Variants in SLC2A13 observed in about 807,000 individuals in gnomAD.
SLC2A13 encodes the protein proton myo-inositol cotransporter.
SLC2A13 carries 32 observed loss-of-function variants against 64.4 expected under a neutral mutation model. The observed-to-expected ratio is 0.50, with a 90% CI of 0.37 to 0.67. The LOEUF is 0.67. Among genes scored for constraint, SLC2A13 ranks in the 30% least tolerant of loss-of-function variants. The pLI, the probability that SLC2A13 is intolerant of heterozygous loss-of-function variation, is 0.00. For missense variants in SLC2A13, 743 were observed against 829.2 expected (o/e 0.90, Z 1.28); for synonymous variants, 338 against 327.1 (o/e 1.03, Z -0.36).
intron 6 of SLC2A13, among the ~76,000 whole-genome samples, chr12:39,843,575 G>T (rs942018660): frequency 6.6e-6 from 1 of 152,008 alleles, no homozygotes; most frequent in African/African-American, 2.4e-5. Context: ...GAAGTTAGGG[G>T]TAGCCAAGTG....
chr12:39,980,175 G>A (rs1284587520), intron 3 of SLC2A13, among the ~76,000 whole-genome samples: 66 of 151,342 alleles, frequency 4.4e-4, no homozygotes, highest in Admixed American at 3.6e-3. Flanking sequence ...TGAAGGAAGC[G>A]CTAAACATGG....
At chr12:39,851,486 G>A (rs1943467204) in intron 6 of SLC2A13, among the ~76,000 whole-genome samples, 1 of 152,152 alleles carries the variant, frequency 6.6e-6, no homozygotes, top group Admixed American at 6.5e-5. Context: ...AAAGGTTAGT[G>A]ATTTTATTAA....
chr12:40,048,246 A>T (rs1948200010), intron 1 of SLC2A13, 36 bp from the exon 2 acceptor site: 2 of 1,568,936 alleles, frequency 1.3e-6, no homozygotes, highest in Non-Finnish European at 1.7e-6. Flanking sequence ...TGAGACATTT[A>T]CTCAAGATTT....
chr12:40,084,153 G>T (rs1048817646), intron 1 of SLC2A13, among the ~76,000 whole-genome samples: 1 of 152,116 alleles, frequency 6.6e-6, no homozygotes, highest in African/African-American at 2.4e-5. Flanking sequence ...CATCTGGCAG[G>T]GTAACTGCAA....
rs1200095531 is a variant in SLC2A13 at position 39,759,063 on chromosome 12, G to T, written c.*963C>A. On this transcript the variant is annotated 3_prime_UTR_variant, in exon 10 of 10. Transcript: ENST00000280871. ...ATAAAAGAAAGGGGAAAAATGGTTT[G>T]CTTGCAGCTATGTATGTAACACAAA... The T allele has an allele frequency of 6.6e-6, 1 of 152,394 alleles. No homozygotes were observed. Among genetic ancestry groups the T allele is most frequent in the African/African-American group, 2.4e-5 (1 of 41,392 alleles). The allele number at this position is 152,394 out of a possible 1,614,324, so 9.4% of individuals were successfully genotyped here.
At chr12:40,033,042 C>T (rs980196690) in intron 2 of SLC2A13, among the ~76,000 whole-genome samples, 7 of 152,190 alleles carry the variant, frequency 4.6e-5, no homozygotes, top group African/African-American at 1.7e-4. Flanking sequence ...GTGCCAAGCA[C>T]TGTTCAGAAC....
At chr12:39,916,563 T>C (rs771569136) in intron 4 of SLC2A13, among the ~76,000 whole-genome samples, 3 of 152,122 alleles carry the variant, frequency 2.0e-5, no homozygotes, top group Non-Finnish European at 4.4e-5. Flanking sequence ...ATTTTCTTTT[T>C]CGTGTTACGA....
In SLC2A13 at chr12:39,972,015, T is replaced by TATATATATATA. The variant is rs1491210436; in HGVS notation, c.926-20651_926-20650insTATATATATAT. Among the ~76,000 whole-genome samples, 57 of 80,922 alleles carry TATATATATATA rather than the reference T, an allele frequency of 7.0e-4. 1 individual carries two copies. The highest frequency in any genetic ancestry group is 1.3e-3 in the African/African-American group (27 of 20,138). 53.1% of individuals were successfully genotyped at this position (80,922 alleles called of 152,430 possible). On this transcript the variant is annotated intron_variant, in intron 3 of 9. Transcript: ENST00000280871. Reference sequence around the variant, plus strand: ...AAAAAAAAATATATATATATATATATTTTTTTTTATATAAATATATATATA... The same window carrying TATATATATATA: ...AAAAAAAAATATATATATATATATATATATATATATATTTTTTTTATATAAATATATATATA...
chr12:39,820,128 A>AAG (rs1942451371), intron 7 of SLC2A13, among the ~76,000 whole-genome samples: 1 of 152,130 alleles, frequency 6.6e-6, no homozygotes. Flanking sequence ...TGACAACAAA[A>AAG]AGAAAAAAAA....
intron 7 of SLC2A13, among the ~76,000 whole-genome samples, chr12:39,818,429 A>G (rs916867028): frequency 6.6e-6 from 1 of 152,218 alleles, no homozygotes; most frequent in Non-Finnish European, 1.5e-5. Flanking sequence ...TCTCTTATCA[A>G]TCAGTGAAGA....
At chr12:40,029,829 G>T (rs974383854) in intron 2 of SLC2A13, among the ~76,000 whole-genome samples, 3 of 152,122 alleles carry the variant, frequency 2.0e-5, no homozygotes, top group Admixed American at 6.5e-5. Flanking sequence ...CTTATTGGAG[G>T]TGTCTTACGC....
In SLC2A13 at chr12:40,005,079, T is replaced by C. The variant is rs566344322; in HGVS notation, c.925+23222A>G. Among the ~76,000 whole-genome samples the C allele has an allele frequency of 1.4e-3, 208 of 152,298 alleles. 2 individuals are homozygous for C. Among genetic ancestry groups the C allele is most frequent in the African/African-American group, 4.9e-3 (203 of 41,570 alleles). The stretch of plus-strand genomic sequence containing the variant: ...CGGTACTGCCTAACCCTACCTTATC[T>C]GTAATCACTTACCAGCACTGCTGAC... On this transcript the variant is annotated intron_variant, in intron 3 of 9. Transcript: ENST00000280871.
chr12:39,813,561 T>G (rs1303398497), intron 7 of SLC2A13, among the ~76,000 whole-genome samples: 1 of 152,132 alleles, frequency 6.6e-6, no homozygotes, highest in Non-Finnish European at 1.5e-5. Flanking sequence ...CCTGAAAAAT[T>G]AACAATAATT....
At chr12:39,922,057 C>T (rs759991180) in intron 4 of SLC2A13, among the ~76,000 whole-genome samples, 4 of 152,018 alleles carry the variant, frequency 2.6e-5, no homozygotes, top group African/African-American at 9.6e-5. Flanking sequence ...CAAATTTATG[C>T]GATTTATATT....
chr12:39,847,660 T>C (rs1274875750), intron 6 of SLC2A13, among the ~76,000 whole-genome samples: 4 of 152,064 alleles, frequency 2.6e-5, no homozygotes, highest in South Asian at 2.1e-4. Flanking sequence ...ATGTAGCACA[T>C]TGGTCCCCAA....
chr12:40,103,110 G>A (rs559459969), intron 1 of SLC2A13, among the ~76,000 whole-genome samples: 1 of 152,256 alleles, frequency 6.6e-6, no homozygotes. Flanking sequence ...GAACCAACCA[G>A]CCCAGAGACC....
intron 3 of SLC2A13, among the ~76,000 whole-genome samples, chr12:40,002,836 T>C (rs921585375): frequency 7.0e-5 from 8 of 114,806 alleles, no homozygotes; most frequent in African/African-American, 2.7e-4. Flanking sequence ...CTGAGTATAG[T>C]GTATATTCCC....
intron 4 of SLC2A13, among the ~76,000 whole-genome samples, chr12:39,884,469 T>C (rs1944423280): frequency 6.6e-6 from 1 of 152,216 alleles, no homozygotes; most frequent in Non-Finnish European, 1.5e-5. Context: ...CAAGCCTAAC[T>C]ATTCAATTAA....
At chr12:40,069,699 T>TTTA (rs918195118) in intron 1 of SLC2A13, among the ~76,000 whole-genome samples, 9 of 151,766 alleles carry the variant, frequency 5.9e-5, no homozygotes, top group African/African-American at 1.7e-4. Flanking sequence ...TTCAATAGCT[T>TTTA]TTATTATTAT....
Sources: allele counts gnomAD v4.1 joint callset (sites outside exome capture counted in the v4.1 genomes callset), GRCh38; gene constraint gnomAD v4.1.1; transcripts MANE v1.5; gene names NCBI Gene and HGNC (gene_info 2026-07-23, HGNC 2026-07-21).